The following TRPV3 variants were observed in gnomAD, a reference collection of about 807,000 sequenced individuals.
TRPV3 encodes VRL-3.
In TRPV3, 88 loss-of-function variants were observed where a neutral mutation model predicts 87.1. The observed-to-expected ratio is 1.01, with a 90% confidence interval of 0.85 to 1.21. TRPV3 has a LOEUF of 1.21. TRPV3 is among the 50% of genes most tolerant of loss of function. The pLI is 0.00. For missense variants in TRPV3, 1,054 were observed against 1,030.1 expected (o/e 1.02, Z -0.32); for synonymous variants, 438 against 423.3 (o/e 1.03, Z -0.43).
intron 9 of TRPV3, 52 bp from the exon 10 acceptor site, chr17:3,529,047 A>ACCG (rs1193785337): frequency 6.2e-7 from 1 of 1,606,972 alleles, no homozygotes; most frequent in Non-Finnish European, 8.5e-7. Context: ...AGAGGGAGGG[A>ACCG]CCGTTTTCTA....
chr17:3,531,832 T>C (rs2074351505), intron 8 of TRPV3, among the ~76,000 whole-genome samples: 1 of 152,190 alleles, frequency 6.6e-6, no homozygotes, highest in Non-Finnish European at 1.5e-5. Context: ...AAAAGGCCCC[T>C]TGTGGGTCCC....
In TRPV3 at chr17:3,524,377, A is replaced by C. The variant is rs2074276031; in HGVS notation, c.1578-14T>G. 2 of 1,613,744 alleles carry C rather than the reference A, an allele frequency of 1.2e-6. No homozygotes were observed. Among genetic ancestry groups the C allele is most frequent in the Admixed American group, 1.7e-5 (1 of 59,998 alleles). Reference sequence around the variant, plus strand: ...GCTTGGATAAAACTGTTCAGGAGACACAGGAGACACGGGCCTTACTTACTT... The same window carrying C: ...GCTTGGATAAAACTGTTCAGGAGACCCAGGAGACACGGGCCTTACTTACTT... On this transcript the variant is annotated splice_polypyrimidine_tract_variant and intron_variant, in intron 12 of 17. Coordinates refer to ENST00000576742, the MANE Select transcript of TRPV3 (RefSeq NM_145068.4).
chr17:3,543,368 C>T (rs1280021452), intron 5 of TRPV3, 106 bp downstream of exon 5: 2 of 1,414,098 alleles, frequency 1.4e-6, no homozygotes, highest in South Asian at 1.3e-5. Context: ...GAATTCAAGG[C>T]CCCTCACACT....
chr17:3,539,747 T>C (rs2074442127), intron 6 of TRPV3: 1 of 152,182 alleles, frequency 6.6e-6, no homozygotes, highest in African/African-American at 2.4e-5. Context: ...TATTCTAATA[T>C]CTTAACTTCA....
chr17:3,549,523 G>A (rs1278513727), intron 2 of TRPV3, among the ~76,000 whole-genome samples: 1 of 152,220 alleles, frequency 6.6e-6, no homozygotes, highest in African/African-American at 2.4e-5. Flanking sequence ...CTTCATCAGT[G>A]AATGAGTGGG....
intron 13 of TRPV3, among the ~76,000 whole-genome samples, chr17:3,521,953 G>A (rs2074250137): frequency 6.6e-6 from 1 of 152,060 alleles, no homozygotes; most frequent in South Asian, 2.1e-4. Context: ...GCACACACCT[G>A]TGATCCCAGC....
intron 8 of TRPV3, among the ~76,000 whole-genome samples, chr17:3,532,079 G>A (rs1235098136): frequency 6.6e-6 from 1 of 152,126 alleles, no homozygotes; most frequent in Non-Finnish European, 1.5e-5. Context: ...CATGACACCG[G>A]CCCCTGAAAG....
intron 15 of TRPV3, among the ~76,000 whole-genome samples, chr17:3,517,617 C>T (rs35008023): frequency 6.8e-5 from 5 of 73,384 alleles, no homozygotes; most frequent in African/African-American, 1.3e-4. Context: ...AAGACCCTGT[C>T]TCAAAAAAAA....
At chr17:3,544,706 T>A (rs376060095) in intron 3 of TRPV3, 41 bp from the exon 4 acceptor site, 33 of 1,478,506 alleles carry the variant, frequency 2.2e-5, no homozygotes, top group Non-Finnish European at 2.1e-5. Flanking sequence ...GTTTTAAAGT[T>A]TTAAAATGGG....
At chr17:3,519,696 GGATGGATA>G (rs1376801105) in intron 14 of TRPV3, among the ~76,000 whole-genome samples, 17 of 123,494 alleles carry the variant, frequency 1.4e-4, no homozygotes, top group African/African-American at 3.3e-4. Flanking sequence ...ATGATTGGAT[GGATGGATA>G]GATGGATGGA....
At chr17:3,551,469 TGG>T (rs2074572954) in intron 2 of TRPV3, among the ~76,000 whole-genome samples, 2 of 152,258 alleles carry the variant, frequency 1.3e-5, no homozygotes, top group South Asian at 4.1e-4. Context: ...GGGCACCAGC[TGG>T]GTGTGGTTGA....
chr17:3,544,497 TC>T, intron 4 of TRPV3, 81 bp downstream of exon 4: 1 of 845,308 alleles, frequency 1.2e-6, no homozygotes, highest in Non-Finnish European at 1.8e-6. Context: ...TCTTTCTCCT[TC>T]CTGCAGGGCC....
Position 3,513,345 on chromosome 17 carries a change from C to T in TRPV3, c.*572G>A, listed in dbSNP as rs2074138901. 6.5e-6 allele frequency: 1 copy of T among 152,862 alleles called. No individual in the cohort carries two copies. The highest frequency in any genetic ancestry group is 6.5e-5 in the Admixed American group (1 of 15,308). The allele number at this position is 152,862 out of a possible 1,614,324, so 9.5% of individuals were successfully genotyped here. A position where few individuals can be genotyped will look rare whatever the true frequency, so the allele number is the denominator to read the frequency against. Reference sequence around the variant, plus strand: ...TTCACTCCAAGGATGGTCTCCTTTTCCCCGAAGGGTTCCGGAAGGGTGTTT... The same window carrying T: ...TTCACTCCAAGGATGGTCTCCTTTTTCCCGAAGGGTTCCGGAAGGGTGTTT... On this transcript the variant is annotated 3_prime_UTR_variant, in exon 18 of 18. Transcript: ENST00000576742.
At chr17:3,531,540 G>A (rs116919723) in intron 8 of TRPV3, among the ~76,000 whole-genome samples, 1,819 of 152,254 alleles carry the variant, frequency 0.012, 18 homozygotes, top group Middle Eastern at 0.031. Flanking sequence ...CCCCCGGGCC[G>A]GCCACAGCGG....
intron 12 of TRPV3, 22 bp downstream of exon 12, chr17:3,526,832 C>A: frequency 6.2e-7 from 1 of 1,602,210 alleles, no homozygotes; most frequent in South Asian, 1.1e-5. Context: ...GAGGCGATAA[C>A]CAAGGGGCCA....
intron 3 of TRPV3, 71 bp from the exon 4 acceptor site, chr17:3,544,736 C>T (rs916734209): frequency 1.4e-5 from 16 of 1,111,040 alleles, no homozygotes; most frequent in Middle Eastern, 2.1e-4. Flanking sequence ...GTGGCTCATG[C>T]ATGTAATCCC....
At chr17:3,551,739 A>G (rs2074576533) in intron 2 of TRPV3, among the ~76,000 whole-genome samples, 1 of 152,158 alleles carries the variant, frequency 6.6e-6, no homozygotes. Flanking sequence ...AGGGAATGGC[A>G]CGATGGTTCA....
At chr17:3,546,204 G>A (rs764311591) in intron 2 of TRPV3, among the ~76,000 whole-genome samples, 7 of 152,076 alleles carry the variant, frequency 4.6e-5, no homozygotes, top group Admixed American at 6.5e-5. Context: ...CACTTTGGAA[G>A]GCCTAGGCGG....
At chr17:3,541,598 C>T (rs1891855594) in intron 6 of TRPV3, among the ~76,000 whole-genome samples, 1 of 152,164 alleles carries the variant, frequency 6.6e-6, no homozygotes, top group Non-Finnish European at 1.5e-5. Context: ...CCTCTCTGGC[C>T]CACTTACAAA....
Sources: allele counts gnomAD v4.1 joint callset (sites outside exome capture counted in the v4.1 genomes callset), GRCh38; gene constraint gnomAD v4.1.1; transcripts MANE v1.5; gene names NCBI Gene and HGNC (gene_info 2026-07-23, HGNC 2026-07-21).